PPARGC1B: variants seen among roughly 807,000 people sequenced by gnomAD.
PPARGC1B encodes PPARG coactivator 1 beta.
A neutral mutation model predicts 101.6 loss-of-function variants in PPARGC1B; 34 were observed. The observed-to-expected ratio is 0.33, with a 90% CI of 0.25 to 0.45. The LOEUF (loss-of-function observed/expected upper bound fraction) is 0.45. Among genes scored for constraint, PPARGC1B ranks in the 20% least tolerant of loss-of-function variants. PPARGC1B has a pLI of 1.00. For synonymous variants in PPARGC1B, 548 were observed against 539.3 expected, an observed-to-expected ratio of 1.02 and a Z score of -0.22; for missense variants, 1,234 against 1,317.6, an observed-to-expected ratio of 0.94 and a Z score of 0.98.
At position 149,845,452 on chromosome 5, in the gene PPARGC1B, C is replaced by G. The variant is rs1047141374; in HGVS notation, c.2817-308C>G. ...ACTTGCTTTTGGGTAAATTACTGAA[C>G]TCCGCAGAACCTCTTTCCTCATCTG... On this transcript the variant is annotated intron_variant, in intron 10 of 11. Coordinates refer to ENST00000309241, the MANE Select transcript of PPARGC1B (RefSeq NM_133263.4). Among the ~76,000 whole-genome samples, 83 of 152,338 alleles carry G rather than the reference C, an allele frequency of 5.4e-4. 1 individual carries two copies. The highest frequency in any genetic ancestry group is 3.3e-3 in the Admixed American group (51 of 15,308).
At position 149,833,188 on chromosome 5, in the gene PPARGC1B, G is replaced by A. The variant is rs376473780; in HGVS notation, c.1115G>A (p.Arg372Gln). 9.9e-6 allele frequency: 16 copies of A among 1,613,386 alleles called. No individual in the cohort carries two copies. The highest frequency in any genetic ancestry group is 1.7e-4 in the Middle Eastern group (1 of 6,060). The change falls in exon 5 of 12, where the codon CGG becomes CAG. Residue 372 changes from arginine to glutamine, a missense_variant. Transcript: ENST00000309241. This position sits in a 1 kb window ranked among gnomAD's most constrained non-coding sequence, Gnocchi z 4.1. ...ATPVYASLTP[R>Q]SRPRPPKDSQ... The stretch of plus-strand genomic sequence containing the variant: ...CCTGTTTATGCCTCCCTCACACCTC[G>A]GTCAAGGCCCAGGCCCCCCAAAGAC...
rs372966968 is a variant in PPARGC1B, at chr5:149,833,616, G to A, written c.1543G>A (p.Ala515Thr). 2.6e-4 allele frequency: 426 copies of A among 1,608,882 alleles called. No individual in the cohort carries two copies. Among genetic ancestry groups the A allele is most frequent in the Non-Finnish European group, 3.5e-4 (409 of 1,177,984 alleles). The change falls in exon 5 of 12, where the codon GCC becomes ACC. Residue 515 changes from alanine to threonine, a missense_variant. Physicochemically the swap from Ala to Thr is moderately conservative, Grantham distance 58. Coordinates refer to ENST00000309241, the MANE Select transcript of PPARGC1B (RefSeq NM_133263.4). This position sits in a 1 kb window ranked among gnomAD's most constrained non-coding sequence, Gnocchi z 4.1. Reference protein sequence around the residue: ...ALPSLCLAPKAYDVERELGSP... With the variant: ...ALPSLCLAPKTYDVERELGSP... The stretch of plus-strand genomic sequence containing the variant: ...GCCCTCACTGTGCCTGGCTCCCAAG[G>A]CCTACGACGTAGAGCGGGAGCTGGG...
intron 1 of PPARGC1B, among the ~76,000 whole-genome samples, chr5:149,798,124 G>A (rs1037952308): frequency 2.0e-5 from 3 of 152,162 alleles, no homozygotes; most frequent in African/African-American, 7.2e-5. Context: ...CTTGGCCAGG[G>A]CCACACAGCT....
chr5:149,832,806 A>G lies in PPARGC1B; in HGVS notation c.733A>G (p.Lys245Glu). 4 of 1,611,978 alleles carry G rather than the reference A, an allele frequency of 2.5e-6. No homozygotes were observed. The highest frequency in any genetic ancestry group is 3.4e-6 in the Non-Finnish European group (4 of 1,178,960). Reference sequence around the variant, plus strand: ...CCTCCAGAGTCCCCGGCTCCCTGCCAAGGAGGACAAGGAGCCGGGTGAGGA... The same window carrying G: ...CCTCCAGAGTCCCCGGCTCCCTGCCGAGGAGGACAAGGAGCCGGGTGAGGA... Reference protein sequence around the residue: ...PCLQSPRLPAKEDKEPGEDCP... With the variant: ...PCLQSPRLPAEEDKEPGEDCP... Residue 245 changes from lysine (K) to glutamate (E), a missense_variant, in exon 5 of 12, where the codon AAG becomes GAG. Transcript: ENST00000309241. This position sits in a 1 kb window ranked among gnomAD's most constrained non-coding sequence, Gnocchi z 4.9.
rs1296964087 is a variant in PPARGC1B, at chr5:149,834,680, C to G, written c.1712C>G (p.Pro571Arg). The change falls in exon 6 of 12, where the codon CCC becomes CGC. Residue 571 changes from proline to arginine, a missense_variant. Transcript: ENST00000309241. ...SCPQLPPRDS[P>R]RCLMLALSQS... Reference sequence around the variant, plus strand: ...TTCTGTGTCTTCTTTTCAGACTCTCCCAGGTGCCTCATGCTGGCCTTGTCA... The same window carrying G: ...TTCTGTGTCTTCTTTTCAGACTCTCGCAGGTGCCTCATGCTGGCCTTGTCA... 6.2e-7 allele frequency: 1 copy of G among 1,613,284 alleles called. No individual in the cohort carries two copies. Among genetic ancestry groups the G allele is most frequent in the East Asian group, 2.2e-5 (1 of 44,876 alleles).
intron 1 of PPARGC1B, among the ~76,000 whole-genome samples, chr5:149,752,314 G>A (rs778729589): frequency 3.9e-5 from 6 of 152,342 alleles, no homozygotes; most frequent in African/African-American, 7.2e-5. Flanking sequence ...CGGGCTGTTT[G>A]AAGTGTTAAC....
At chr5:149,768,017 G>A (rs1361134623) in intron 1 of PPARGC1B, among the ~76,000 whole-genome samples, 4 of 151,822 alleles carry the variant, frequency 2.6e-5, no homozygotes, top group Non-Finnish European at 5.9e-5. Context: ...GTCCCATCTG[G>A]GGGTGATGGG....
chr5:149,771,853 A>G, intron 1 of PPARGC1B: 1 of 464,138 alleles, frequency 2.2e-6, no homozygotes, highest in South Asian at 3.2e-5. Context: ...TCAGGTGTCC[A>G]GGAAGTAAAT....
intron 1 of PPARGC1B, among the ~76,000 whole-genome samples, chr5:149,757,463 C>T (rs1755573529): frequency 6.6e-6 from 1 of 152,054 alleles, no homozygotes; most frequent in South Asian, 2.1e-4. Flanking sequence ...TTGAGGCCAT[C>T]GCTTGAGCTA....
intron 1 of PPARGC1B, among the ~76,000 whole-genome samples, chr5:149,744,111 G>A (rs2113096304): frequency 6.6e-6 from 1 of 152,334 alleles, no homozygotes; most frequent in East Asian, 1.9e-4. Context: ...GGCAAGAGAG[G>A]ACTTGGGGAC....
At chr5:149,839,218 G>T (rs1021850228) in intron 8 of PPARGC1B, among the ~76,000 whole-genome samples, 2 of 152,186 alleles carry the variant, frequency 1.3e-5, no homozygotes, top group African/African-American at 4.8e-5. Flanking sequence ...AATGGCCAAG[G>T]GATGGACACA....
intron 1 of PPARGC1B, among the ~76,000 whole-genome samples, chr5:149,806,787 T>C (rs566915600): frequency 1.3e-3 from 198 of 152,058 alleles, no homozygotes; most frequent in African/African-American, 4.5e-3. Flanking sequence ...TTTGTATTTT[T>C]AGTAGAGACG....
chr5:149,811,002 C>T (rs1015445141), intron 1 of PPARGC1B, among the ~76,000 whole-genome samples: 7 of 152,260 alleles, frequency 4.6e-5, no homozygotes, highest in Admixed American at 1.3e-4. Context: ...GTGGAAACTA[C>T]GGCTGGGAGG....
intron 1 of PPARGC1B, among the ~76,000 whole-genome samples, chr5:149,756,595 G>A (rs535789305): frequency 5.3e-5 from 8 of 152,332 alleles, no homozygotes; most frequent in East Asian, 1.9e-4. Flanking sequence ...GGGGACCAGC[G>A]TCAGGTCTAA....
In PPARGC1B at chr5:149,744,208, G is replaced by T. The variant is rs146974755; in HGVS notation, c.78+13788G>T. Among the ~76,000 whole-genome samples the T allele has an allele frequency of 2.4e-3, 363 of 152,304 alleles. 1 individual carries two copies. The highest frequency in any genetic ancestry group is 7.9e-3 in the African/African-American group (329 of 41,560). On this transcript the variant is annotated intron_variant, in intron 1 of 11. Transcript: ENST00000309241. The stretch of plus-strand genomic sequence containing the variant: ...TAGAATCTCCTCATATGTTGCACCT[G>T]GCACCTTTCCTGCCTAGGGCCAATT...
At chr5:149,835,841 C>A (rs1279275498) in intron 7 of PPARGC1B, among the ~76,000 whole-genome samples, 1 of 152,182 alleles carries the variant, frequency 6.6e-6, no homozygotes, top group African/African-American at 2.4e-5. Context: ...CCCAGCCTAC[C>A]TCCAGGCTCA....
intron 1 of PPARGC1B, among the ~76,000 whole-genome samples, chr5:149,807,499 T>C (rs1162676208): frequency 6.6e-6 from 1 of 152,176 alleles, no homozygotes; most frequent in Non-Finnish European, 1.5e-5. Flanking sequence ...GCGAGTAGAC[T>C]GCCAGAGGAC....
chr5:149,845,930 C>G lies in PPARGC1B; in HGVS notation c.2971+16C>G, dbSNP rs1488781688. ...ACTGACTACGGTAAGCCCCTGAAAC[C>G]CAGCCACAGTCTAGTAAGACTCAAA... On this transcript the variant is annotated intron_variant, in intron 11 of 11. Coordinates refer to ENST00000309241, the MANE Select transcript of PPARGC1B (RefSeq NM_133263.4). 6.2e-7 allele frequency: 1 copy of G among 1,614,214 alleles called. No homozygotes were observed. The highest frequency in any genetic ancestry group is 1.7e-5 in the Admixed American group (1 of 60,032).
chr5:149,844,115 A>G (rs957519896), intron 10 of PPARGC1B, among the ~76,000 whole-genome samples: 1 of 152,222 alleles, frequency 6.6e-6, no homozygotes, highest in Non-Finnish European at 1.5e-5. Context: ...ATGCTTAAAA[A>G]TGGCAAAGAT....
Sources: gnomAD v4.1 joint callset for allele counts (sites outside exome capture counted in the v4.1 genomes callset) on GRCh38, gnomAD v4.1.1 for gene constraint, Gnocchi (gnomAD v3.1) non-coding constraint, MANE v1.5 for transcripts, NCBI Gene and HGNC (gene_info 2026-07-23, HGNC 2026-07-21) for gene names.